Variants in SHISA6 observed in about 807,000 individuals in gnomAD.
The protein encoded by SHISA6 is shisa family member 6.
In SHISA6, 22 loss-of-function variants were observed where a neutral mutation model predicts 47.9. The ratio of observed to expected loss-of-function variants is 0.46; its 90% CI spans 0.33 to 0.66. The LOEUF is 0.66. Among genes scored for constraint, SHISA6 ranks in the 30% least tolerant of loss-of-function variants. The pLI is 0.02. For missense variants in SHISA6, 680 were observed against 764.6 expected (o/e 0.89, Z 1.30); for synonymous variants, 388 against 337.8 (o/e 1.15, Z -1.63).
chr17:11,461,324 G>A (rs536291640), intron 3 of SHISA6, among the ~76,000 whole-genome samples: 11 of 150,562 alleles, frequency 7.3e-5, no homozygotes, highest in African/African-American at 2.7e-4. Context: ...GTGAACCTGG[G>A]AGGCGAAGCT....
At chr17:11,532,739 CTTTTTTTTTT>C (rs71142217) in intron 3 of SHISA6, among the ~76,000 whole-genome samples, 14 of 71,258 alleles carry the variant, frequency 2.0e-4, no homozygotes, top group Non-Finnish European at 4.8e-5. Flanking sequence ...TCTATCAGGG[CTTTTTTTTTT>C]TTTTTTTTTT....
chr17:11,543,686 T>G (rs1385477298), intron 3 of SHISA6, among the ~76,000 whole-genome samples: 1 of 151,908 alleles, frequency 6.6e-6, no homozygotes, highest in African/African-American at 2.4e-5. Flanking sequence ...AGTAGGAGGA[T>G]AAGTCTACTC....
intron 3 of SHISA6, among the ~76,000 whole-genome samples, chr17:11,473,317 G>T (rs892993523): frequency 2.0e-5 from 3 of 151,898 alleles, no homozygotes; most frequent in South Asian, 2.1e-4. Context: ...TCCATTTTGG[G>T]TTTTTTTTAA....
intron 2 of SHISA6, among the ~76,000 whole-genome samples, chr17:11,335,883 AT>A: frequency 6.6e-6 from 1 of 152,114 alleles, no homozygotes; most frequent in Non-Finnish European, 1.5e-5. Flanking sequence ...CAAATGACAT[AT>A]GCGAGTTATG....
intron 3 of SHISA6, among the ~76,000 whole-genome samples, chr17:11,534,854 G>A (rs2071771722): frequency 6.6e-6 from 1 of 152,184 alleles, no homozygotes; most frequent in Non-Finnish European, 1.5e-5. Flanking sequence ...TACGGGCCAG[G>A]AGCGGTGGCA....
chr17:11,531,870 T>G (rs1186972711), intron 3 of SHISA6, among the ~76,000 whole-genome samples: 1 of 152,250 alleles, frequency 6.6e-6, no homozygotes, highest in African/African-American at 2.4e-5. Flanking sequence ...GATGCATATA[T>G]GAGGTGATGG....
intron 2 of SHISA6, among the ~76,000 whole-genome samples, chr17:11,270,140 T>G (rs1908584497): frequency 6.6e-6 from 1 of 152,118 alleles, no homozygotes; most frequent in Admixed American, 6.5e-5. Context: ...CACCCCCAGC[T>G]AATTTTTGTA....
intron 2 of SHISA6, among the ~76,000 whole-genome samples, chr17:11,304,407 A>AC (rs1476095001): frequency 1.3e-5 from 2 of 151,992 alleles, no homozygotes; most frequent in Admixed American, 6.5e-5. Flanking sequence ...TCAAAAGATG[A>AC]CGGCCCCTGC....
intron 2 of SHISA6, among the ~76,000 whole-genome samples, chr17:11,365,677 A>T (rs543697063): frequency 2.0e-5 from 3 of 152,250 alleles, no homozygotes; most frequent in Non-Finnish European, 4.4e-5. Context: ...CCGTTAATCC[A>T]TTGGCAACTA....
At chr17:11,351,656 C>A (rs1233048448) in intron 2 of SHISA6, among the ~76,000 whole-genome samples, 1 of 152,232 alleles carries the variant, frequency 6.6e-6, no homozygotes, top group African/African-American at 2.4e-5. Flanking sequence ...TCTGTGAGAT[C>A]CGTGAGAAAA....
intron 3 of SHISA6, among the ~76,000 whole-genome samples, chr17:11,401,709 T>C (rs1490662905): frequency 1.3e-5 from 2 of 152,204 alleles, no homozygotes; most frequent in Non-Finnish European, 2.9e-5. Context: ...ATAGCCGATA[T>C]GGACAATCCT....
intron 3 of SHISA6, chr17:11,380,264 T>C (rs1378668821): frequency 6.6e-6 from 1 of 152,204 alleles, no homozygotes; most frequent in Non-Finnish European, 1.5e-5. Context: ...GTAGGGGTAG[T>C]GTATCCCTGT....
chr17:11,441,545 T>C lies in SHISA6; in HGVS notation c.895+62036T>C, dbSNP rs1308811720. 2.5e-4 allele frequency among the ~76,000 whole-genome samples: 38 copies of C among 152,230 alleles called. 1 individual carries two copies. Among genetic ancestry groups the C allele is most frequent in the Admixed American group, 2.5e-3 (38 of 15,284 alleles). On this transcript the variant is annotated intron_variant, in intron 3 of 5. Coordinates refer to ENST00000441885, the MANE Select transcript of SHISA6 (RefSeq NM_207386.4). Reference sequence around the variant, plus strand: ...CATTAAACATTTTAAGAGTCACTTTTAGTTTAAACATCTGTAATCAGGAAA... The same window carrying C: ...CATTAAACATTTTAAGAGTCACTTTCAGTTTAAACATCTGTAATCAGGAAA...
At chr17:11,442,565 A>G (rs757738932) in intron 3 of SHISA6, among the ~76,000 whole-genome samples, 1 of 152,122 alleles carries the variant, frequency 6.6e-6, no homozygotes, top group African/African-American at 2.4e-5. Flanking sequence ...TAATAATGGT[A>G]CCTCCCTTAG....
At chr17:11,500,988 T>C (rs2193114) in intron 3 of SHISA6, among the ~76,000 whole-genome samples, 61,359 of 152,028 alleles carry the variant, frequency 0.4, 12,408 homozygotes, top group East Asian at 0.54. Flanking sequence ...TTCTTACACA[T>C]GAAACTGCAG....
intron 3 of SHISA6, among the ~76,000 whole-genome samples, chr17:11,455,043 C>T (rs1455248774): frequency 2.6e-5 from 4 of 152,098 alleles, no homozygotes; most frequent in Non-Finnish European, 4.4e-5. Flanking sequence ...GTGGTGAGCA[C>T]CTGTAGTCCA....
intron 3 of SHISA6, among the ~76,000 whole-genome samples, chr17:11,548,640 T>C (rs2071903662): frequency 6.6e-6 from 1 of 152,120 alleles, no homozygotes; most frequent in Non-Finnish European, 1.5e-5. Context: ...ATTTTAGTTA[T>C]TGGGCTAAGG....
At chr17:11,322,123 A>G (rs1306731857) in intron 2 of SHISA6, among the ~76,000 whole-genome samples, 1 of 152,164 alleles carries the variant, frequency 6.6e-6, no homozygotes, top group African/African-American at 2.4e-5. Context: ...TTCATGTGCA[A>G]TGTAAGGTTT....
chr17:11,369,347 A>G (rs7207444), intron 2 of SHISA6, among the ~76,000 whole-genome samples: 48,640 of 152,188 alleles, frequency 0.32, 8,110 homozygotes, highest in Middle Eastern at 0.39. Flanking sequence ...TTTCCTCTAG[A>G]TGTTAAAAGG....
Sources: gnomAD v4.1 joint callset for allele counts (sites outside exome capture counted in the v4.1 genomes callset) on GRCh38, gnomAD v4.1.1 for gene constraint, MANE v1.5 for transcripts, NCBI Gene and HGNC (gene_info 2026-07-23, HGNC 2026-07-21) for gene names.